The following MAP7 variants were observed in gnomAD, a reference collection of about 807,000 sequenced individuals.
The protein encoded by MAP7 is ensconsin.
A neutral mutation model predicts 94.8 loss-of-function variants in MAP7; 52 were observed. That is an observed-to-expected ratio of 0.55 (90% CI 0.44 to 0.69). The LOEUF is 0.69. Among genes scored for constraint, MAP7 ranks in the 30% least tolerant of loss-of-function variants. The probability of loss-of-function intolerance (pLI) is 0.00; values close to 1 mark genes in which losing one functional copy is unlikely to be tolerated. For missense variants in MAP7, 940 were observed against 964.6 expected, an observed-to-expected ratio of 0.97 and a Z score of 0.34; for synonymous variants, 350 against 357.0, an observed-to-expected ratio of 0.98 and a Z score of 0.22.
At chr6:136,477,339 T>C (rs1175784190) in intron 1 of MAP7, among the ~76,000 whole-genome samples, 1 of 152,170 alleles carries the variant, frequency 6.6e-6, no homozygotes, top group African/African-American at 2.4e-5. Context: ...GCTTCAAAAA[T>C]GTAATATCAT....
intron 2 of MAP7, among the ~76,000 whole-genome samples, chr6:136,421,229 T>G (rs1791236713): frequency 6.6e-6 from 1 of 152,206 alleles, no homozygotes; most frequent in Non-Finnish European, 1.5e-5. Context: ...AAACCATAAT[T>G]CTATACAAGC....
rs1383056000 is a variant in MAP7 at position 136,362,432 on chromosome 6, G to C, written c.1526+18C>G. On this transcript the variant is annotated intron_variant, in intron 11 of 17. Coordinates refer to ENST00000354570, the MANE Select transcript of MAP7 (RefSeq NM_003980.6). Reference sequence around the variant, plus strand: ...AGTATCACTGACACCATGGTGTGGAGCAATGTCTCCCATTTACCTTTCAAG... The same window carrying C: ...AGTATCACTGACACCATGGTGTGGACCAATGTCTCCCATTTACCTTTCAAG... 6.2e-7 allele frequency: 1 copy of C among 1,612,114 alleles called. No homozygotes were observed. Among genetic ancestry groups the C allele is most frequent in the Non-Finnish European group, 8.5e-7 (1 of 1,179,200 alleles).
intron 17 of MAP7, among the ~76,000 whole-genome samples, 157 bp from the exon 18 acceptor site, chr6:136,344,395 A>G (rs1472769738): frequency 6.6e-6 from 1 of 152,216 alleles, no homozygotes; most frequent in Non-Finnish European, 1.5e-5. Flanking sequence ...TCACAGTCTT[A>G]TATTTAAGTG....
chr6:136,381,579 C>G (rs1378578812), intron 6 of MAP7, among the ~76,000 whole-genome samples: 1 of 151,966 alleles, frequency 6.6e-6, no homozygotes, highest in African/African-American at 2.4e-5. Flanking sequence ...GAGGGCTTTG[C>G]TTAAGTTAAA....
At chr6:136,509,026 G>A (rs1822438208) in intron 1 of MAP7, among the ~76,000 whole-genome samples, 1 of 152,178 alleles carries the variant, frequency 6.6e-6, no homozygotes, top group African/African-American at 2.4e-5. Context: ...TTCTCCTAAA[G>A]TAAAAAGATA....
At chr6:136,548,036 G>A (rs964461033) in intron 1 of MAP7, among the ~76,000 whole-genome samples, 2 of 151,820 alleles carry the variant, frequency 1.3e-5, no homozygotes, top group Non-Finnish European at 2.9e-5. Context: ...TGCCATTTAA[G>A]GTGGCAATTT....
At chr6:136,389,822 C>T (rs764223088) in intron 3 of MAP7, among the ~76,000 whole-genome samples, 18 of 152,216 alleles carry the variant, frequency 1.2e-4, no homozygotes, top group Non-Finnish European at 2.2e-4. Context: ...ATGCTCTAGT[C>T]TCAATCCTGA....
chr6:136,522,669 G>C (rs564640905), intron 1 of MAP7, among the ~76,000 whole-genome samples: 1 of 152,158 alleles, frequency 6.6e-6, no homozygotes, highest in African/African-American at 2.4e-5. Context: ...ATTGTGTATC[G>C]CAATAGTCAC....
At chr6:136,464,343 T>C (rs966745669) in intron 1 of MAP7, among the ~76,000 whole-genome samples, 2 of 152,228 alleles carry the variant, frequency 1.3e-5, no homozygotes, top group African/African-American at 4.8e-5. Context: ...CTACCTGTGG[T>C]CAACCACAGT....
At chr6:136,473,038 A>T (rs1201627388) in intron 1 of MAP7, among the ~76,000 whole-genome samples, 1 of 152,130 alleles carries the variant, frequency 6.6e-6, no homozygotes, top group African/African-American at 2.4e-5. Flanking sequence ...AATATGCCTC[A>T]TGATTTCCTT....
At chr6:136,475,194 A>C (rs1810471941) in intron 1 of MAP7, among the ~76,000 whole-genome samples, 1 of 152,214 alleles carries the variant, frequency 6.6e-6, no homozygotes, top group Admixed American at 6.5e-5. Flanking sequence ...CAAAAGTAGG[A>C]ATAGCTTTAG....
At chr6:136,387,489 G>A (rs764398673) in intron 5 of MAP7, among the ~76,000 whole-genome samples, 1 of 152,068 alleles carries the variant, frequency 6.6e-6, no homozygotes, top group Admixed American at 6.5e-5. Context: ...CCAGATCTAC[G>A]TCTATGCGCT....
chr6:136,444,546 T>C (rs887892065), intron 1 of MAP7, among the ~76,000 whole-genome samples: 1 of 152,222 alleles, frequency 6.6e-6, no homozygotes, highest in Admixed American at 6.5e-5. Flanking sequence ...ACAATGTCAA[T>C]AGGAACCATC....
At chr6:136,421,854 A>G (rs1228317357) in intron 1 of MAP7, 55 bp from the exon 2 acceptor site, 1 of 1,382,572 alleles carries the variant, frequency 7.2e-7, no homozygotes, top group African/African-American at 1.5e-5. Context: ...AAATTTCTTC[A>G]GAAACATTTA....
At chr6:136,433,031 T>C (rs758190476) in intron 1 of MAP7, among the ~76,000 whole-genome samples, 13 of 152,190 alleles carry the variant, frequency 8.5e-5, no homozygotes, top group Non-Finnish European at 1.9e-4. Context: ...TGAGTCACTG[T>C]GGCTGGCTTT....
At chr6:136,425,572 T>A (rs1792904726) in intron 1 of MAP7, among the ~76,000 whole-genome samples, 1 of 152,094 alleles carries the variant, frequency 6.6e-6, no homozygotes, top group African/African-American at 2.4e-5. Flanking sequence ...TTGTATATAT[T>A]TATATATATT....
Position 136,441,516 on chromosome 6 carries a change from A to C in MAP7, c.68-19717T>G, listed in dbSNP as rs142962243. ...GTATCTTTTTGTTCATTTTGCCATT[A>C]AATTTTGCTCTTTCAGCATATAGGT... On this transcript the variant is annotated intron_variant, in intron 1 of 17. Transcript: ENST00000354570. Among the ~76,000 whole-genome samples, 76 of 152,252 alleles carry C rather than the reference A, an allele frequency of 5.0e-4. 1 individual carries two copies. The East Asian group carries it at 0.014, about 28-fold the overall frequency.
chr6:136,391,971 A>G (rs950169112), intron 3 of MAP7, among the ~76,000 whole-genome samples: 2 of 152,270 alleles, frequency 1.3e-5, no homozygotes, highest in Admixed American at 6.5e-5. Context: ...ACAAAATAAT[A>G]AACGGTAAAA....
At chr6:136,363,498 T>C (rs1012524894) in intron 10 of MAP7, among the ~76,000 whole-genome samples, 1 of 152,272 alleles carries the variant, frequency 6.6e-6, no homozygotes, top group Non-Finnish European at 1.5e-5. Flanking sequence ...CATGATGCTC[T>C]AGCCCTTCTT....
Sources: allele counts gnomAD v4.1 joint callset (sites outside exome capture counted in the v4.1 genomes callset), GRCh38; gene constraint gnomAD v4.1.1; transcripts MANE v1.5; gene names NCBI Gene and HGNC (gene_info 2026-07-23, HGNC 2026-07-21).